CRIM1: variants seen among roughly 807,000 people sequenced by gnomAD.
CRIM1 encodes cysteine-rich motor neuron 1 protein.
A neutral mutation model predicts 116.4 loss-of-function variants in CRIM1; 32 were observed. The observed-to-expected ratio is 0.27, with a 90% CI of 0.21 to 0.37. The LOEUF (loss-of-function observed/expected upper bound fraction) is 0.37. Among genes scored for constraint, CRIM1 ranks in the 10% least tolerant of loss-of-function variants. CRIM1 has a pLI of 1.00. For synonymous variants in CRIM1, 590 were observed against 509.2 expected (o/e 1.16, Z -2.13); for missense variants, 1,331 against 1,354.8 (o/e 0.98, Z 0.28).
chr2:36,418,381 G>A (rs1673785036), intron 2 of CRIM1, among the ~76,000 whole-genome samples: 1 of 152,126 alleles, frequency 6.6e-6, no homozygotes, highest in South Asian at 2.1e-4. Context: ...ATGGTTCACT[G>A]CAGCCTCCAC....
At chr2:36,495,206 G>T (rs574166790) in intron 7 of CRIM1, among the ~76,000 whole-genome samples, 29 of 152,226 alleles carry the variant, frequency 1.9e-4, no homozygotes, top group Admixed American at 3.3e-4. Context: ...AGAAAGGCTT[G>T]TATTCTCCGA....
intron 1 of CRIM1, among the ~76,000 whole-genome samples, chr2:36,380,514 C>A (rs1670662288): frequency 6.6e-6 from 1 of 152,030 alleles, no homozygotes; most frequent in Non-Finnish European, 1.5e-5. Context: ...AGTTGGAAGC[C>A]CTTGAGAGGC....
intron 13 of CRIM1, among the ~76,000 whole-genome samples, chr2:36,531,494 T>A (rs977789038): frequency 6.6e-6 from 1 of 152,140 alleles, no homozygotes; most frequent in South Asian, 2.1e-4. Flanking sequence ...ACTCCTGGAA[T>A]ACTAAATTGG....
At chr2:36,547,273 T>G (rs1048806242) in intron 16 of CRIM1, 102 bp downstream of exon 16, 1 of 909,034 alleles carries the variant, frequency 1.1e-6, no homozygotes, top group Non-Finnish European at 1.8e-6. Flanking sequence ...GTGAAGTTTT[T>G]ACTTTGCTCT....
chr2:36,475,384 T>G (rs1424238221), intron 5 of CRIM1, among the ~76,000 whole-genome samples: 2 of 152,264 alleles, frequency 1.3e-5, no homozygotes. Flanking sequence ...ATTTTCTGAT[T>G]GTTCATTGCT....
chr2:36,373,970 A>G (rs954221301), intron 1 of CRIM1, among the ~76,000 whole-genome samples: 1 of 152,198 alleles, frequency 6.6e-6, no homozygotes, highest in Admixed American at 6.5e-5. Context: ...CATAGATTAG[A>G]TACATGTAGT....
At chr2:36,455,277 C>T (rs1370107633) in intron 4 of CRIM1, among the ~76,000 whole-genome samples, 1 of 152,182 alleles carries the variant, frequency 6.6e-6, no homozygotes, top group Admixed American at 6.5e-5. Flanking sequence ...TCCACATAGA[C>T]TCTCAAGCCT....
intron 13 of CRIM1, among the ~76,000 whole-genome samples, chr2:36,533,142 G>A (rs1240710592): frequency 6.6e-6 from 1 of 152,154 alleles, no homozygotes; most frequent in Non-Finnish European, 1.5e-5. Context: ...AAAGACTACA[G>A]TGACTATTAT....
chr2:36,415,389 T>C (rs1380938489), intron 2 of CRIM1, among the ~76,000 whole-genome samples: 2 of 152,196 alleles, frequency 1.3e-5, no homozygotes, highest in African/African-American at 4.8e-5. Context: ...TTGTGAAAAT[T>C]CCACCTTGGT....
chr2:36,551,076 G>GT lies in CRIM1; in HGVS notation c.*2376dup, dbSNP rs1667742752. 2 of 152,570 alleles carry GT rather than the reference G, an allele frequency of 1.3e-5. No individual in the cohort carries two copies. Among genetic ancestry groups the GT allele is most frequent in the Admixed American group, 6.5e-5 (1 of 15,286 alleles). The allele number at this position is 152,570 out of a possible 1,614,324, so 9.5% of individuals were successfully genotyped here. On this transcript the variant is annotated 3_prime_UTR_variant, in exon 17 of 17. Transcript: ENST00000280527. Reference sequence around the variant, plus strand: ...TGTTTTTGTTTTCTTCAAAAAAGCTGTAAGAGAATTATCTGCAACTTGATT... The same window carrying GT: ...TGTTTTTGTTTTCTTCAAAAAAGCTGTTAAGAGAATTATCTGCAACTTGATT...
chr2:36,433,872 A>T (rs1235856166), intron 2 of CRIM1, among the ~76,000 whole-genome samples: 4 of 152,180 alleles, frequency 2.6e-5, no homozygotes, highest in Admixed American at 1.3e-4. Flanking sequence ...AACCACCAAG[A>T]AAAGACTCTG....
At chr2:36,411,659 TC>T (rs1425330494) in intron 2 of CRIM1, among the ~76,000 whole-genome samples, 2 of 95,604 alleles carry the variant, frequency 2.1e-5, no homozygotes, top group African/African-American at 9.5e-5. Flanking sequence ...TTTATCTTAT[TC>T]TTTGTGTGTG....
chr2:36,397,648 A>G (rs999132924), intron 2 of CRIM1, among the ~76,000 whole-genome samples: 1 of 152,178 alleles, frequency 6.6e-6, no homozygotes, highest in Admixed American at 6.5e-5. Context: ...AAGGATTCTT[A>G]AAGTCCAAAA....
At chr2:36,524,776 A>C (rs1665640851) in intron 13 of CRIM1, among the ~76,000 whole-genome samples, 1 of 152,230 alleles carries the variant, frequency 6.6e-6, no homozygotes, top group Non-Finnish European at 1.5e-5. Context: ...TATGAAGAGA[A>C]ACCTGCAAAT....
At chr2:36,512,711 T>C (rs1410812145) in intron 10 of CRIM1, among the ~76,000 whole-genome samples, 1 of 152,212 alleles carries the variant, frequency 6.6e-6, no homozygotes, top group Non-Finnish European at 1.5e-5. Context: ...TTCTCTCTGT[T>C]CAGGAGTAAG....
intron 2 of CRIM1, among the ~76,000 whole-genome samples, chr2:36,417,910 A>G (rs909983714): frequency 6.6e-6 from 1 of 152,204 alleles, no homozygotes; most frequent in Non-Finnish European, 1.5e-5. Context: ...TTCTGTGAAC[A>G]TTGAAGGATG....
intron 1 of CRIM1, among the ~76,000 whole-genome samples, chr2:36,390,593 GT>G (rs1231809670): frequency 6.6e-6 from 1 of 151,934 alleles, no homozygotes; most frequent in Non-Finnish European, 1.5e-5. Flanking sequence ...TTGTTTGTTT[GT>G]TTTGTTTTGT....
rs149251109 is a variant in CRIM1, at chr2:36,550,964, C to T, written c.*2263C>T. On this transcript the variant is annotated 3_prime_UTR_variant, in exon 17 of 17. Coordinates refer to ENST00000280527, the MANE Select transcript of CRIM1 (RefSeq NM_016441.3). Reference sequence around the variant, plus strand: ...ATCTATTACTCTTTTACTTTGGTTCCTGTTGTGCTCTTGTAAAAGAAAAAT... The same window carrying T: ...ATCTATTACTCTTTTACTTTGGTTCTTGTTGTGCTCTTGTAAAAGAAAAAT... The T allele has an allele frequency of 6.6e-6, 1 of 152,354 alleles. No homozygotes were observed. The highest frequency in any genetic ancestry group is 1.5e-5 in the Non-Finnish European group (1 of 67,984). The allele number at this position is 152,354 out of a possible 1,614,324, so 9.4% of individuals were successfully genotyped here. A position where few individuals can be genotyped will look rare whatever the true frequency, so the allele number is the denominator to read the frequency against.
intron 2 of CRIM1, among the ~76,000 whole-genome samples, chr2:36,417,265 C>T (rs1011684197): frequency 2.0e-5 from 3 of 152,148 alleles, no homozygotes; most frequent in Admixed American, 6.6e-5. Context: ...CCCACCATAC[C>T]TCTTCTGTTT....
Sources: allele counts gnomAD v4.1 joint callset (sites outside exome capture counted in the v4.1 genomes callset), GRCh38; gene constraint gnomAD v4.1.1; transcripts MANE v1.5; gene names NCBI Gene and HGNC (gene_info 2026-07-23, HGNC 2026-07-21).